The following NAALADL2 variants were observed in gnomAD, a reference collection of about 807,000 sequenced individuals.
NAALADL2 encodes the protein N-acetylated alpha-linked acidic dipeptidase like 2, also known as inactive N-acetylated-alpha-linked acidic dipeptidase-like protein 2.
NAALADL2 carries 76 observed loss-of-function variants against 87.2 expected under a neutral mutation model. The ratio of observed to expected loss-of-function variants is 0.87; its 90% confidence interval spans 0.72 to 1.05. The LOEUF is 1.05. NAALADL2 is among the 50% of genes least tolerant of loss of function. The pLI, the probability that NAALADL2 is intolerant of heterozygous loss-of-function variation, is 0.00. For missense variants in NAALADL2, 1,089 were observed against 945.8 expected (o/e 1.15, Z -1.99); for synonymous variants, 354 against 331.0 (o/e 1.07, Z -0.75).
intron 3 of NAALADL2, among the ~76,000 whole-genome samples, chr3:174,754,066 C>T (rs557333726): frequency 6.6e-6 from 1 of 152,242 alleles, no homozygotes; most frequent in African/African-American, 2.4e-5. Flanking sequence ...TTAAACCCAC[C>T]CAGTCTATGG....
intron 1 of NAALADL2, among the ~76,000 whole-genome samples, chr3:175,061,793 T>G (rs1713551263): frequency 6.6e-6 from 1 of 150,870 alleles, no homozygotes. Flanking sequence ...AGTAAATCCA[T>G]GAGCTTATGC....
chr3:175,650,626 A>C (rs1730641677), intron 11 of NAALADL2, among the ~76,000 whole-genome samples: 1 of 152,154 alleles, frequency 6.6e-6, no homozygotes, highest in South Asian at 2.1e-4. Context: ...TCTTCCCCCG[A>C]AATGATGATT....
intron 1 of NAALADL2, among the ~76,000 whole-genome samples, chr3:174,932,568 ATGGGTGAATTGC>A: frequency 6.6e-6 from 1 of 152,220 alleles, no homozygotes; most frequent in East Asian, 1.9e-4. Flanking sequence ...TTCAATATTG[ATGGGTGAATTGC>A]TGGGCTTTCC....
intron 5 of NAALADL2, among the ~76,000 whole-genome samples, chr3:175,337,116 A>T (rs1762061422): frequency 6.7e-6 from 1 of 148,972 alleles, no homozygotes; most frequent in Admixed American, 6.6e-5. Context: ...AATTGGAATT[A>T]CAATTCTTAT....
chr3:174,770,549 T>C (rs1408156626), intron 3 of NAALADL2, among the ~76,000 whole-genome samples: 2 of 152,192 alleles, frequency 1.3e-5, no homozygotes, highest in Admixed American at 6.5e-5. Flanking sequence ...ATAAGTTCTA[T>C]TGAGAAATAA....
intron 11 of NAALADL2, among the ~76,000 whole-genome samples, chr3:175,698,471 G>T (rs1433256685): frequency 2.0e-5 from 2 of 99,024 alleles, no homozygotes; most frequent in African/African-American, 1.2e-4. Flanking sequence ...GTATATATGT[G>T]TGTATATATA....
intron 13 of NAALADL2, among the ~76,000 whole-genome samples, chr3:175,780,285 A>AG (rs1160815582): frequency 1.3e-5 from 2 of 151,868 alleles, no homozygotes; most frequent in African/African-American, 4.8e-5. Context: ...CAAAAAAAAA[A>AG]AACCAATAAA....
intron 2 of NAALADL2, among the ~76,000 whole-genome samples, chr3:174,592,684 C>T (rs981488566): frequency 6.6e-6 from 1 of 152,098 alleles, no homozygotes; most frequent in Non-Finnish European, 1.5e-5. Flanking sequence ...TTTGGCTCCT[C>T]ACTAGCAGAA....
Position 174,661,144 on chromosome 3 carries a change from G to A in NAALADL2, c.-114-76497G>A, listed in dbSNP as rs916663961. ...GTTCATTTGTTTGTGATTGGAATAC[G>A]CCTGTAATATTTCTGAGGAAATCTT... On this transcript the variant is annotated intron_variant, in intron 2 of 3. Transcript: ENST00000434257. 3.9e-5 allele frequency among the ~76,000 whole-genome samples: 6 copies of A among 152,064 alleles called. No individual in the cohort carries two copies. In the East Asian group the frequency reaches 5.8e-4, roughly 15 times the overall value.
chr3:175,372,961 G>A (rs997903698), intron 5 of NAALADL2, among the ~76,000 whole-genome samples: 2 of 152,174 alleles, frequency 1.3e-5, no homozygotes, highest in Admixed American at 6.5e-5. Flanking sequence ...ATAGTATTAC[G>A]TTTGTGGCCA....
At chr3:174,906,498 T>C (rs1426368278) in intron 1 of NAALADL2, among the ~76,000 whole-genome samples, 1 of 152,124 alleles carries the variant, frequency 6.6e-6, no homozygotes, top group Non-Finnish European at 1.5e-5. Context: ...AAGTGTATGT[T>C]GTAAAGTACC....
chr3:175,451,863 A>G (rs1465491622), intron 6 of NAALADL2, among the ~76,000 whole-genome samples: 3 of 152,126 alleles, frequency 2.0e-5, no homozygotes, highest in Admixed American at 2.0e-4. Flanking sequence ...TATTAAAATG[A>G]CATAGTGTCT....
chr3:174,910,157 T>C (rs1310140161), intron 1 of NAALADL2, among the ~76,000 whole-genome samples: 3 of 151,320 alleles, frequency 2.0e-5, no homozygotes, highest in African/African-American at 7.4e-5. Flanking sequence ...ATTTTAATAG[T>C]TTATATACAT....
At chr3:175,573,216 G>A (rs936250622) in intron 9 of NAALADL2, among the ~76,000 whole-genome samples, 3 of 152,130 alleles carry the variant, frequency 2.0e-5, no homozygotes, top group Non-Finnish European at 4.4e-5. Context: ...AAGAGTTAAC[G>A]TATGTAAAAC....
chr3:174,705,532 C>T (rs965975384), intron 2 of NAALADL2, among the ~76,000 whole-genome samples: 1 of 152,154 alleles, frequency 6.6e-6, no homozygotes, highest in Non-Finnish European at 1.5e-5. Flanking sequence ...CGCCTGTAAT[C>T]CCAGCACTTT....
chr3:174,451,296 T>A (rs1715463307), intron 1 of NAALADL2, among the ~76,000 whole-genome samples: 1 of 152,212 alleles, frequency 6.6e-6, no homozygotes, highest in Non-Finnish European at 1.5e-5. Context: ...TTTCCTGGAA[T>A]GGAGAAATTT....
chr3:174,572,464 A>G (rs762385430), intron 2 of NAALADL2, among the ~76,000 whole-genome samples: 3 of 152,212 alleles, frequency 2.0e-5, no homozygotes, highest in African/African-American at 7.2e-5. Context: ...AGAAGCATTT[A>G]TTTCACTGTT....
chr3:175,642,633 TG>T (rs1485452363), intron 11 of NAALADL2, among the ~76,000 whole-genome samples: 1 of 152,096 alleles, frequency 6.6e-6, no homozygotes, highest in African/African-American at 2.4e-5. Context: ...CCCGAGTAGC[TG>T]GAACTACAGG....
intron 11 of NAALADL2, among the ~76,000 whole-genome samples, chr3:175,697,472 T>C (rs1737985653): frequency 1.3e-5 from 2 of 151,542 alleles, no homozygotes; most frequent in Admixed American, 6.6e-5. Flanking sequence ...CTTTTGATTT[T>C]AGGTGTAGTA....
Sources: gnomAD v4.1 joint callset for allele counts (sites outside exome capture counted in the v4.1 genomes callset) on GRCh38, gnomAD v4.1.1 for gene constraint, MANE v1.5 for transcripts, NCBI Gene and HGNC (gene_info 2026-07-23, HGNC 2026-07-21) for gene names.